KDM7A: variants seen among roughly 807,000 people sequenced by gnomAD.
KDM7A encodes lysine demethylase 7A.
KDM7A carries 28 observed loss-of-function variants against 114.8 expected under a neutral mutation model. The observed-to-expected ratio is 0.24, with a 90% CI of 0.18 to 0.33. KDM7A has a LOEUF of 0.33. Ranked by LOEUF, KDM7A falls within the 10% of genes least tolerant of loss-of-function variation. The pLI is 1.00. For synonymous variants in KDM7A, 423 were observed against 397.8 expected (o/e 1.06, Z -0.75); for missense variants, 942 against 1,142.5 (o/e 0.82, Z 2.53).
chr7:140,136,153 C>G (rs62491419), intron 2 of KDM7A, among the ~76,000 whole-genome samples: 10,631 of 152,170 alleles, frequency 0.07, 424 homozygotes, highest in Non-Finnish European at 0.09. Context: ...AATTAGACTG[C>G]TAGGGGTTCA....
At chr7:140,095,152 A>C (rs1818085478) in intron 17 of KDM7A, among the ~76,000 whole-genome samples, 1 of 152,190 alleles carries the variant, frequency 6.6e-6, no homozygotes, top group Non-Finnish European at 1.5e-5. Context: ...CCAGTGATCT[A>C]GAATCAAATT....
intron 3 of KDM7A, 76 bp from the exon 4 acceptor site, chr7:140,129,729 T>A (rs1585153725): frequency 1.2e-6 from 1 of 829,168 alleles, no homozygotes; most frequent in Non-Finnish European, 2.0e-6. Context: ...TAGTGATGGG[T>A]TAATTCATAT....
At position 140,096,641 on chromosome 7, in the gene KDM7A, C is replaced by T; in HGVS notation, c.2288G>A (p.Arg763Lys). Residue 763 changes from arginine to lysine, a missense_variant, in exon 17 of 20, where the codon AGA becomes AAA. Physicochemically the swap from Arg to Lys is conservative, Grantham distance 26. Around this residue, in one of 4 missense-constraint regions of KDM7A, gnomAD observed 512 missense variants for 576.6 expected, o/e 0.89. Coordinates refer to ENST00000397560, the MANE Select transcript of KDM7A (RefSeq NM_030647.2). ...QIQSTDCSGE[R>K]NSLQDPSSCH... ...GCTGCTGGGATCCTGGAGAGAGTTT[C>T]TTTCACCACTGCAGTCTGTGCTTTG... is the stretch of plus-strand genomic sequence containing the variant. 2 of 1,614,172 alleles carry T rather than the reference C, an allele frequency of 1.2e-6. No homozygotes were observed. Among genetic ancestry groups the T allele is most frequent in the Middle Eastern group, 1.6e-4 (1 of 6,062 alleles).
intron 12 of KDM7A, 93 bp downstream of exon 12, chr7:140,101,858 T>C: frequency 2.4e-6 from 2 of 819,464 alleles, no homozygotes; most frequent in South Asian, 1.6e-5. Context: ...AGATTAGATA[T>C]CAACAATAGT....
At chr7:140,167,918 G>C (rs1304784268) in intron 1 of KDM7A, among the ~76,000 whole-genome samples, 1 of 151,990 alleles carries the variant, frequency 6.6e-6, no homozygotes, top group African/African-American at 2.4e-5. Flanking sequence ...TAAATATTGA[G>C]GGACAAAGGA....
chr7:140,126,587 A>T (rs770535989), intron 6 of KDM7A, 50 bp downstream of exon 6: 2 of 1,151,552 alleles, frequency 1.7e-6, no homozygotes, highest in South Asian at 3.9e-5. Context: ...CTGAAAAACT[A>T]GGGCTATATG....
intron 12 of KDM7A, among the ~76,000 whole-genome samples, chr7:140,100,661 T>TATATATATATATATATACAC (rs1562945807): frequency 7.4e-5 from 3 of 40,744 alleles, no homozygotes; most frequent in South Asian, 1.3e-3. Flanking sequence ...TTTAAAAAGT[T>TATATATATATATATATACAC]ATATATATAT....
Position 140,126,745 on chromosome 7 carries a change from G to A in KDM7A, c.780C>T (p.Val260=), listed in dbSNP as rs201973090. 2 of 1,613,940 alleles carry A rather than the reference G, an allele frequency of 1.2e-6. No homozygotes were observed. The highest frequency in any genetic ancestry group is 1.6e-4 in the Middle Eastern group (1 of 6,062). ...ATTTCTGAACAAATGGCTTGGGAAAGACTGAATCATCTGGCCAATAATTTT... is the reference window on the plus strand; with the variant it reads ...ATTTCTGAACAAATGGCTTGGGAAAAACTGAATCATCTGGCCAATAATTTT... ...WVENYWPDDS[V]FPKPFVQKYC... The change falls in exon 6 of 20, where the codon GTC becomes GTT. Residue 260 remains valine, a synonymous_variant. Transcript: ENST00000397560.
rs777931063 is a variant in KDM7A at position 140,102,107 on chromosome 7, A to G, written c.1482T>C (p.Val494=). ...KSQGIPIVCP[V]SRSSNEATSP... The stretch of plus-strand genomic sequence containing the variant: ...AAGTTGCTTCATTTGAGGATCGTGA[A>G]ACTGGACACACAATAGGAATTCCCT... Residue 494 remains valine (V), a synonymous_variant, in exon 12 of 20, where the codon GTT becomes GTC. Coordinates refer to ENST00000397560, the MANE Select transcript of KDM7A (RefSeq NM_030647.2). The G allele has an allele frequency of 1.2e-6, 2 of 1,614,082 alleles. No individual in the cohort carries two copies. The highest frequency in any genetic ancestry group is 2.2e-5 in the South Asian group (2 of 91,082).
chr7:140,150,639 C>T (rs763112491), intron 1 of KDM7A, among the ~76,000 whole-genome samples: 1 of 152,120 alleles, frequency 6.6e-6, no homozygotes, highest in Non-Finnish European at 1.5e-5. Context: ...CAGCAGTTGC[C>T]TCTGGGAAAA....
chr7:140,153,541 T>C (rs993884178), intron 1 of KDM7A, among the ~76,000 whole-genome samples: 3 of 152,152 alleles, frequency 2.0e-5, no homozygotes, highest in African/African-American at 4.8e-5. Context: ...CAAGTGATTT[T>C]AATAATCAAT....
chr7:140,169,511 C>G (rs1231186756), intron 1 of KDM7A, among the ~76,000 whole-genome samples: 1 of 152,026 alleles, frequency 6.6e-6, no homozygotes, highest in African/African-American at 2.4e-5. Context: ...GAAATATACC[C>G]CAAACTAATG....
intron 1 of KDM7A, among the ~76,000 whole-genome samples, chr7:140,174,036 C>T (rs1794674427): frequency 6.6e-6 from 1 of 151,838 alleles, no homozygotes; most frequent in Admixed American, 6.6e-5. Context: ...TGGTGACGGG[C>T]ACCTGTAATC....
At chr7:140,105,065 G>A (rs1749840431) in intron 11 of KDM7A, among the ~76,000 whole-genome samples, 1 of 152,174 alleles carries the variant, frequency 6.6e-6, no homozygotes, top group South Asian at 2.1e-4. Context: ...GTGAATGGGA[G>A]TTCACTCATG....
intron 1 of KDM7A, among the ~76,000 whole-genome samples, chr7:140,150,268 C>T (rs1283820400): frequency 6.6e-6 from 1 of 152,188 alleles, no homozygotes; most frequent in Non-Finnish European, 1.5e-5. Flanking sequence ...AAACATTATA[C>T]AAAAACTTGT....
At chr7:140,135,345 GGGGT>G (rs1818851279) in intron 2 of KDM7A, among the ~76,000 whole-genome samples, 1 of 151,482 alleles carries the variant, frequency 6.6e-6, no homozygotes, top group Non-Finnish European at 1.5e-5. Flanking sequence ...CTGGACTACA[GGGGT>G]GTGCCACCAC....
intron 1 of KDM7A, among the ~76,000 whole-genome samples, chr7:140,151,126 C>G (rs540532123): frequency 6.6e-6 from 1 of 152,034 alleles, no homozygotes; most frequent in Non-Finnish European, 1.5e-5. Flanking sequence ...CCACCGTGCC[C>G]GGCCACAATA....
intron 1 of KDM7A, among the ~76,000 whole-genome samples, chr7:140,142,819 T>C (rs564135308): frequency 2.8e-4 from 43 of 152,232 alleles, no homozygotes; most frequent in African/African-American, 9.2e-4. Context: ...AAACCGCTTA[T>C]AGAATCATTA....
chr7:140,172,352 A>G (rs1234459596), intron 1 of KDM7A, among the ~76,000 whole-genome samples: 1 of 151,522 alleles, frequency 6.6e-6, no homozygotes, highest in South Asian at 2.1e-4. Context: ...ATTAGTAAAC[A>G]TAAGAAAAAG....
Sources: gnomAD v4.1 joint callset for allele counts (sites outside exome capture counted in the v4.1 genomes callset) on GRCh38, gnomAD v4.1.1 for gene constraint, gnomAD v4.1.1 regional missense constraint, MANE v1.5 for transcripts, NCBI Gene and HGNC (gene_info 2026-07-23, HGNC 2026-07-21) for gene names.